The following SP100 variants were observed in gnomAD, a reference collection of about 807,000 sequenced individuals.
SP100 encodes nuclear autoantigen Sp-100.
SP100 carries 84 observed loss-of-function variants against 130.0 expected under a neutral mutation model. That is an observed-to-expected ratio of 0.65 (90% CI 0.54 to 0.77). The LOEUF (loss-of-function observed/expected upper bound fraction) is 0.77, where lower values mean the gene tolerates loss of function less well. Ranked by LOEUF, SP100 falls within the 30% of genes least tolerant of loss-of-function variation. The pLI is 0.00. For synonymous variants in SP100, 331 were observed against 351.7 expected, an observed-to-expected ratio of 0.94 and a Z score of 0.66; for missense variants, 978 against 1,052.2, an observed-to-expected ratio of 0.93 and a Z score of 0.97.
chr2:230,457,919 A>C (rs1311186008), intron 8 of SP100, among the ~76,000 whole-genome samples: 1 of 152,212 alleles, frequency 6.6e-6, no homozygotes, highest in Non-Finnish European at 1.5e-5. Flanking sequence ...ACACTCATCC[A>C]AGACACACAG....
intron 18 of SP100, among the ~76,000 whole-genome samples, chr2:230,496,272 G>T: frequency 6.6e-6 from 1 of 152,206 alleles, no homozygotes; most frequent in Non-Finnish European, 1.5e-5. Context: ...AATGGATGAA[G>T]TCTTAGGTAA....
At chr2:230,528,937 C>T (rs547664202) in intron 24 of SP100, among the ~76,000 whole-genome samples, 29 of 152,176 alleles carry the variant, frequency 1.9e-4, no homozygotes, top group African/African-American at 6.0e-4. Context: ...CAATAATTAA[C>T]AGCCTACCAA....
rs886192005 is a variant in SP100, at chr2:230,545,507, A to G, written c.*2561A>G. Among the ~76,000 whole-genome samples, 2 of 152,174 alleles carry G rather than the reference A, an allele frequency of 1.3e-5. No individual in the cohort carries two copies. The highest frequency in any genetic ancestry group is 6.5e-5 in the Admixed American group (1 of 15,274). ...TACTCTGTACAACAAACCCGTGACAAGAGTTTCCCTATATAACAAACCTTC... is the reference window on the plus strand; with the variant it reads ...TACTCTGTACAACAAACCCGTGACAGGAGTTTCCCTATATAACAAACCTTC... On this transcript the variant is annotated 3_prime_UTR_variant, in exon 29 of 29. Coordinates refer to ENST00000340126, the MANE Select transcript of SP100 (RefSeq NM_001080391.2).
intron 17 of SP100, 51 bp from the exon 18 acceptor site, chr2:230,494,365 A>C (rs755715048): frequency 7.4e-7 from 1 of 1,353,172 alleles, no homozygotes; most frequent in Non-Finnish European, 1.1e-6. Flanking sequence ...AAAGTGTGTA[A>C]ATCTTTGTTT....
intron 17 of SP100, among the ~76,000 whole-genome samples, chr2:230,482,889 T>C (rs1038797156): frequency 6.6e-6 from 1 of 152,196 alleles, no homozygotes; most frequent in Non-Finnish European, 1.5e-5. Flanking sequence ...TTATCATTCT[T>C]ATAACTTTTA....
intron 21 of SP100, among the ~76,000 whole-genome samples, chr2:230,504,951 T>C (rs557145348): frequency 1.6e-4 from 25 of 152,326 alleles, no homozygotes; most frequent in Middle Eastern, 6.8e-3. Context: ...CATTTGTTTA[T>C]AACCATAAAT....
chr2:230,515,671 A>G (rs1478433654), intron 24 of SP100: 5 of 1,578,356 alleles, frequency 3.2e-6, no homozygotes, highest in Admixed American at 3.8e-5. Context: ...TTTCTTGTCT[A>G]TAAAGCATTT....
Position 230,506,338 on chromosome 2 carries a change from A to G in SP100, c.1906A>G (p.Lys636Glu), listed in dbSNP as rs1339974777. ...GAAGTGTATACAGAGTGAGGATAAA[A>G]AGTGGTTCACTCCCAGGGAATTTGA... ...SKKCIQSEDK[K>E]WFTPREFEIE... Residue 636 changes from lysine to glutamate, a missense_variant, in exon 22 of 29, where the codon AAG (lysine) becomes GAG (glutamate). Lys to Glu is a moderately conservative substitution (Grantham distance 56). Coordinates refer to ENST00000340126, the MANE Select transcript of SP100 (RefSeq NM_001080391.2). 6.2e-7 allele frequency: 1 copy of G among 1,613,906 alleles called. No individual in the cohort carries two copies.
chr2:230,466,467 A>G lies in SP100; in HGVS notation c.1195+113A>G, dbSNP rs1465040859. 1.1e-5 allele frequency: 7 copies of G among 648,196 alleles called. No homozygotes were observed. In the Admixed American group the frequency reaches 2.0e-4, roughly 18 times the overall value. 40.2% of individuals were successfully genotyped at this position (648,196 alleles called of 1,614,324 possible). A position where few individuals can be genotyped will look rare whatever the true frequency, so the allele number is the denominator to read the frequency against. On this transcript the variant is annotated intron_variant, in intron 12 of 28. Coordinates refer to ENST00000340126, the MANE Select transcript of SP100 (RefSeq NM_001080391.2). ...TCTAATTCCTTGCTATATCCTTCAA[A>G]GTAAAATATAAATTTGCTTTAAATT...
chr2:230,522,476 C>CTTTTTTTTTTTTTTTT (rs750389091), intron 24 of SP100, among the ~76,000 whole-genome samples: 2 of 82,136 alleles, frequency 2.4e-5, no homozygotes, highest in Non-Finnish European at 2.1e-5. Flanking sequence ...CCCCAGTGTT[C>CTTTTTTTTTTTTTTTT]TTTTTTTTTT....
At chr2:230,479,829 A>C (rs1478163772) in intron 17 of SP100, among the ~76,000 whole-genome samples, 1 of 152,190 alleles carries the variant, frequency 6.6e-6, no homozygotes, top group Non-Finnish European at 1.5e-5. Context: ...AGGACATGGC[A>C]AGACAATTCA....
intron 2 of SP100, among the ~76,000 whole-genome samples, chr2:230,435,329 C>A (rs1238049383): frequency 2.6e-5 from 4 of 152,112 alleles, no homozygotes; most frequent in Non-Finnish European, 5.9e-5. Context: ...TTATTTGTTG[C>A]TTTTTATTAA....
chr2:230,442,886 A>G (rs575076869), intron 2 of SP100, 51 bp from the exon 3 acceptor site: 2 of 1,525,754 alleles, frequency 1.3e-6, no homozygotes, highest in South Asian at 1.1e-5. Context: ...AGCCTCCACA[A>G]ACATCTCAGA....
rs1263772373 is a variant in SP100, at chr2:230,461,262, G to T, written c.821G>T (p.Ser274Ile). 3 of 1,613,536 alleles carry T rather than the reference G, an allele frequency of 1.9e-6. No homozygotes were observed. In the African/African-American group the frequency reaches 4.0e-5, roughly 22 times the overall value. The change falls in exon 9 of 29, where the codon AGC becomes ATC. Residue 274 changes from serine to isoleucine, a missense_variant and splice_region_variant. Physicochemically the swap from Ser to Ile is moderately radical, Grantham distance 142. Coordinates refer to ENST00000340126, the MANE Select transcript of SP100 (RefSeq NM_001080391.2). ...MPCPLPCDEE[S>I]PEAELHNHGI... ...AAAATTCTTCATTTATTACAATTAG[G>T]CCCAGAGGCAGAGCTACACAACCAT...
intron 11 of SP100, 117 bp from the exon 12 acceptor site, chr2:230,466,184 C>CAAAAAA (rs57983447): frequency 0.18 from 46,375 of 253,696 alleles, 4,696 homozygotes; most frequent in African/African-American, 0.28. Context: ...GACTCCATCT[C>CAAAAAA]AAAAAAAAAA....
chr2:230,474,208 T>G (rs557099864), intron 16 of SP100, among the ~76,000 whole-genome samples, 186 bp from the exon 17 acceptor site: 8 of 152,344 alleles, frequency 5.3e-5, no homozygotes, highest in Non-Finnish European at 8.8e-5. Flanking sequence ...TGTTTCAAAG[T>G]CTCAGAGAAC....
chr2:230,474,308 G>A (rs1427227123), intron 16 of SP100, 86 bp from the exon 17 acceptor site: 1 of 724,048 alleles, frequency 1.4e-6, no homozygotes, highest in Non-Finnish European at 2.4e-6. Flanking sequence ...ATAAACGCAA[G>A]CCTTCCATGC....
At chr2:230,524,662 A>C (rs1691343587) in intron 24 of SP100, among the ~76,000 whole-genome samples, 3 of 152,212 alleles carry the variant, frequency 2.0e-5, no homozygotes, top group African/African-American at 7.2e-5. Flanking sequence ...TTTTTGTGTA[A>C]TTTAAAATCT....
chr2:230,516,627 C>T (rs1265453005), intron 24 of SP100: 2 of 152,162 alleles, frequency 1.3e-5, no homozygotes, highest in Admixed American at 1.3e-4. Flanking sequence ...TCTAGTCTAA[C>T]TATATGATCT....
Sources: allele counts gnomAD v4.1 joint callset (sites outside exome capture counted in the v4.1 genomes callset), GRCh38; gene constraint gnomAD v4.1.1; transcripts MANE v1.5; gene names NCBI Gene and HGNC (gene_info 2026-07-23, HGNC 2026-07-21).